ZNF25: variants seen among roughly 807,000 people sequenced by gnomAD.
ZNF25 encodes zinc finger protein 25.
ZNF25 carries 21 observed loss-of-function variants against 30.9 expected under a neutral mutation model. That is an observed-to-expected ratio of 0.68 (90% CI 0.48 to 0.98). ZNF25 has a LOEUF of 0.98. ZNF25 is among the 50% of genes least tolerant of loss of function. The pLI is 0.00. For synonymous variants in ZNF25, 169 were observed against 181.3 expected, an observed-to-expected ratio of 0.93 and a Z score of 0.55; for missense variants, 501 against 529.9, an observed-to-expected ratio of 0.95 and a Z score of 0.54.
intron 2 of ZNF25, among the ~76,000 whole-genome samples, chr10:37,966,964 C>G (rs1564790092): frequency 6.6e-6 from 1 of 151,998 alleles, no homozygotes; most frequent in Non-Finnish European, 1.5e-5. Context: ...GATCCAAAGA[C>G]ACAAGTAGGC....
chr10:37,953,784 C>T (rs552490158), intron 4 of ZNF25, 26 bp from the exon 5 acceptor site: 5 of 1,582,864 alleles, frequency 3.2e-6, no homozygotes, highest in Non-Finnish European at 4.3e-6. Context: ...AAATGTAATA[C>T]TTTATAAATA....
chr10:37,957,830 T>A (rs1361872045), intron 2 of ZNF25, among the ~76,000 whole-genome samples: 1 of 152,244 alleles, frequency 6.6e-6, no homozygotes, highest in Non-Finnish European at 1.5e-5. Context: ...ACAAATTCCA[T>A]ATATGATGAT....
chr10:37,956,093 T>C (rs186343499), intron 4 of ZNF25, among the ~76,000 whole-genome samples: 45 of 152,328 alleles, frequency 3.0e-4, no homozygotes, highest in Admixed American at 5.2e-4. Context: ...AGTTAGAAAA[T>C]ACGTGACAAA....
chr10:37,966,953 A>G (rs946317767), intron 2 of ZNF25, among the ~76,000 whole-genome samples: 1 of 152,216 alleles, frequency 6.6e-6, no homozygotes, highest in Non-Finnish European at 1.5e-5. Flanking sequence ...AATTAAATTT[A>G]GATCCAAAGA....
rs142091690 is a variant in ZNF25, at chr10:37,963,670, T to A, written c.16-6124A>T. On this transcript the variant is annotated intron_variant, in intron 2 of 5. Transcript: ENST00000302609. ...GAGTTCTGATTCGGTTCACATGAGATCTGGTTGTTTAAAAGAGTCTGGCAC... is the reference window on the plus strand; with the variant it reads ...GAGTTCTGATTCGGTTCACATGAGAACTGGTTGTTTAAAAGAGTCTGGCAC... Among the ~76,000 whole-genome samples, 254 of 152,184 alleles carry A rather than the reference T, an allele frequency of 1.7e-3. 1 individual carries two copies. The highest frequency in any genetic ancestry group is 5.6e-3 in the African/African-American group (232 of 41,534).
chr10:37,962,627 T>C (rs910439858), intron 2 of ZNF25, among the ~76,000 whole-genome samples: 3 of 152,124 alleles, frequency 2.0e-5, no homozygotes, highest in East Asian at 3.9e-4. Flanking sequence ...ACATTTGAAG[T>C]TGGTTCTCTG....
At chr10:37,959,123 A>G (rs1289737850) in intron 2 of ZNF25, among the ~76,000 whole-genome samples, 3 of 152,192 alleles carry the variant, frequency 2.0e-5, no homozygotes, top group Non-Finnish European at 4.4e-5. Context: ...CTGTCATTTC[A>G]TACTATGTGA....
chr10:37,969,999 T>C (rs935339480), intron 2 of ZNF25, among the ~76,000 whole-genome samples: 6 of 152,160 alleles, frequency 3.9e-5, no homozygotes, highest in Non-Finnish European at 8.8e-5. Flanking sequence ...ACTACAGTGG[T>C]TGCTGGCACC....
Position 37,950,917 on chromosome 10 carries a change from C to T in ZNF25, c.*1210G>A, listed in dbSNP as rs937857676. ...AATGCAGATAGCTCTGCTCCCTGCTCACACATCAACAGTAAGATACATAAT... is the reference window on the plus strand; with the variant it reads ...AATGCAGATAGCTCTGCTCCCTGCTTACACATCAACAGTAAGATACATAAT... On this transcript the variant is annotated 3_prime_UTR_variant, in exon 6 of 6. Coordinates refer to ENST00000302609, the MANE Select transcript of ZNF25 (RefSeq NM_145011.4). The T allele has an allele frequency of 6.6e-6, 1 of 152,134 alleles. No homozygotes were observed. Among genetic ancestry groups the T allele is most frequent in the African/African-American group, 2.4e-5 (1 of 41,430 alleles). 9.4% of individuals were successfully genotyped at this position (152,134 alleles called of 1,614,324 possible).
intron 4 of ZNF25, among the ~76,000 whole-genome samples, chr10:37,955,261 G>A (rs2062447995): frequency 6.6e-6 from 1 of 152,046 alleles, no homozygotes; most frequent in African/African-American, 2.4e-5. Flanking sequence ...GGCAAGAGAG[G>A]GCCAGACTAG....
At chr10:37,970,080 T>C (rs1414169781) in intron 2 of ZNF25, among the ~76,000 whole-genome samples, 2 of 152,102 alleles carry the variant, frequency 1.3e-5, no homozygotes, top group Non-Finnish European at 2.9e-5. Flanking sequence ...AGCTTGAAAT[T>C]TGCCATGGTG....
intron 4 of ZNF25, among the ~76,000 whole-genome samples, chr10:37,955,136 AGAGT>A (rs940135647): frequency 6.6e-6 from 1 of 151,792 alleles, no homozygotes; most frequent in African/African-American, 2.4e-5. Flanking sequence ...CCTGCGCAAC[AGAGT>A]GAGACTCCAT....
At chr10:37,966,671 G>A (rs1010258410) in intron 2 of ZNF25, among the ~76,000 whole-genome samples, 3 of 152,068 alleles carry the variant, frequency 2.0e-5, no homozygotes, top group Admixed American at 2.0e-4. Flanking sequence ...ACAGCAAGGG[G>A]GAAGTCTGCC....
Position 37,953,180 on chromosome 10 carries a change from T to C in ZNF25, c.318A>G (p.Thr106=), listed in dbSNP as rs1460315157. ...CTGTGGTATGAGTTTTCTGATGTTT[T>C]GTGAGTTCTCCATTCCTAGACAGAA... ...QAGNSRNGEL[T]KHQKTHTTEK... Residue 106 remains threonine, a synonymous_variant, in exon 6 of 6, where the codon ACA becomes ACG. Transcript: ENST00000302609. 4 of 1,585,208 alleles carry C rather than the reference T, an allele frequency of 2.5e-6. No individual in the cohort carries two copies. The highest frequency in any genetic ancestry group is 3.4e-6 in the Non-Finnish European group (4 of 1,171,550).
rs139587295 is a variant in ZNF25, at chr10:37,952,919, C to T, written c.579G>A (p.Leu193=). The T allele has an allele frequency of 1.8e-3, 2,965 of 1,614,180 alleles. 13 individuals carry two copies. The highest frequency in any genetic ancestry group is 2.2e-3 in the Non-Finnish European group (2,556 of 1,180,032). The change falls in exon 6 of 6, where the codon CTG becomes CTA. Residue 193 remains leucine, a synonymous_variant. Coordinates refer to ENST00000302609, the MANE Select transcript of ZNF25 (RefSeq NM_145011.4). ...FYHLSSLSRH[L]RTHAGEKPYE... ...AGGGTTTCTCTCCTGCATGGGTTCTCAGATGTCTACTGAGAGATGATAGGT... is the reference window on the plus strand; with the variant it reads ...AGGGTTTCTCTCCTGCATGGGTTCTTAGATGTCTACTGAGAGATGATAGGT...
At chr10:37,956,860 A>G (rs185845099) in intron 4 of ZNF25, among the ~76,000 whole-genome samples, 160 bp downstream of exon 4, 32 of 147,678 alleles carry the variant, frequency 2.2e-4, no homozygotes, top group Admixed American at 1.8e-3. Context: ...GGTTGCAGTG[A>G]GCTGAGATGG....
chr10:37,975,880 C>T (rs1247286200), intron 1 of ZNF25, among the ~76,000 whole-genome samples: 1 of 152,112 alleles, frequency 6.6e-6, no homozygotes, highest in Non-Finnish European at 1.5e-5. Flanking sequence ...TGTGGCAAGG[C>T]GCATTAACTC....
At chr10:37,960,458 CA>C (rs762155535) in intron 2 of ZNF25, among the ~76,000 whole-genome samples, 3,948 of 113,706 alleles carry the variant, frequency 0.035, 121 homozygotes, top group African/African-American at 0.095. Flanking sequence ...ACTAAAAATA[CA>C]AAAAAAAAAA....
In ZNF25 at chr10:37,952,368, T is replaced by G. The variant is rs760279454; in HGVS notation, c.1130A>C (p.Lys377Thr). ...EKPYECTECG[K>T]SFAVNSVLRL... is the part of the protein sequence containing the mutation. ...GAGGACTGAATTCACAGCAAAAGAT[T>G]TGCCACATTCTGTGCATTCATAGGG... The change falls in exon 6 of 6, where the codon AAA (lysine) becomes ACA (threonine). Residue 377 changes from lysine (K) to threonine (T), a missense_variant. Coordinates refer to ENST00000302609, the MANE Select transcript of ZNF25 (RefSeq NM_145011.4). 1 of 1,614,090 alleles carries G rather than the reference T, an allele frequency of 6.2e-7. No homozygotes were observed. The highest frequency in any genetic ancestry group is 8.5e-7 in the Non-Finnish European group (1 of 1,179,974).
Sources: gnomAD v4.1 joint callset for allele counts (sites outside exome capture counted in the v4.1 genomes callset) on GRCh38, gnomAD v4.1.1 for gene constraint, MANE v1.5 for transcripts, NCBI Gene and HGNC (gene_info 2026-07-23, HGNC 2026-07-21) for gene names.